The following PRKAR2B variants were observed in gnomAD, a reference collection of about 807,000 sequenced individuals.
The protein encoded by PRKAR2B is protein kinase cAMP-dependent type II regulatory subunit beta, also known as cAMP-dependent protein kinase type II-beta regulatory subunit.
PRKAR2B carries 14 observed loss-of-function variants against 49.9 expected under a neutral mutation model. The observed-to-expected ratio is 0.28, with a 90% CI of 0.19 to 0.44. The LOEUF (loss-of-function observed/expected upper bound fraction) is 0.44. Among genes scored for constraint, PRKAR2B ranks in the 20% least tolerant of loss-of-function variants. The pLI is 1.00. For synonymous variants in PRKAR2B, 196 were observed against 197.7 expected (o/e 0.99, Z 0.07); for missense variants, 393 against 537.9 (o/e 0.73, Z 2.67).
chr7:107,081,574 AT>A (rs1794514856), intron 2 of PRKAR2B, among the ~76,000 whole-genome samples: 1 of 152,084 alleles, frequency 6.6e-6, no homozygotes, highest in Non-Finnish European at 1.5e-5. Context: ...CAAAATACCT[AT>A]TCAGGTCTTG....
chr7:107,119,601 C>T (rs549650332), intron 2 of PRKAR2B, among the ~76,000 whole-genome samples: 1 of 152,334 alleles, frequency 6.6e-6, no homozygotes, highest in Admixed American at 6.5e-5. Flanking sequence ...GTGTCCCAGA[C>T]ACATTGGCAG....
At chr7:107,057,949 T>C (rs569728418) in intron 1 of PRKAR2B, among the ~76,000 whole-genome samples, 1 of 152,282 alleles carries the variant, frequency 6.6e-6, no homozygotes, top group Non-Finnish European at 1.5e-5. Context: ...GTAAAGTCTT[T>C]AAATCTTTTA....
intron 1 of PRKAR2B, among the ~76,000 whole-genome samples, chr7:107,066,301 G>GGGGGGGGTGTGT (rs147673007): frequency 2.1e-5 from 3 of 145,510 alleles, no homozygotes; most frequent in African/African-American, 5.2e-5. Context: ...CTCTATGTGG[G>GGGGGGGGTGTGT]GTGTGTGTGT....
intron 2 of PRKAR2B, among the ~76,000 whole-genome samples, chr7:107,072,096 A>G (rs1001308648): frequency 6.7e-6 from 1 of 149,266 alleles, no homozygotes; most frequent in African/African-American, 2.4e-5. Context: ...AAAAATAAAA[A>G]TAAAAAATAA....
intron 1 of PRKAR2B, among the ~76,000 whole-genome samples, chr7:107,064,123 A>C (rs1344700189): frequency 6.6e-6 from 1 of 152,186 alleles, no homozygotes; most frequent in Admixed American, 6.5e-5. Context: ...TACTGCCTCA[A>C]ATCTCTGTGT....
At chr7:107,091,914 A>G (rs1794738643) in intron 2 of PRKAR2B, 1 of 152,164 alleles carries the variant, frequency 6.6e-6, no homozygotes, top group African/African-American at 2.4e-5. Context: ...TGTAGAAGAG[A>G]GTATTTAATC....
intron 1 of PRKAR2B, among the ~76,000 whole-genome samples, chr7:107,050,450 T>A (rs1163435203): frequency 6.7e-6 from 1 of 148,912 alleles, no homozygotes; most frequent in Non-Finnish European, 1.5e-5. Context: ...TCTCATTCCA[T>A]GGATTCCAGT....
intron 4 of PRKAR2B, among the ~76,000 whole-genome samples, chr7:107,137,256 G>A (rs913365174): frequency 2.0e-5 from 3 of 152,194 alleles, no homozygotes; most frequent in Non-Finnish European, 2.9e-5. Flanking sequence ...GATAACTGGT[G>A]TATTCTCATA....
chr7:107,158,769 G>A (rs1022014477), intron 10 of PRKAR2B, among the ~76,000 whole-genome samples: 28 of 152,084 alleles, frequency 1.8e-4, no homozygotes, highest in African/African-American at 6.3e-4. Context: ...CCCTATTCTT[G>A]TAAACATTGC....
intron 2 of PRKAR2B, among the ~76,000 whole-genome samples, chr7:107,083,999 G>A (rs1794565828): frequency 6.6e-6 from 1 of 152,174 alleles, no homozygotes; most frequent in African/African-American, 2.4e-5. Context: ...GATCATGCAA[G>A]TGTTTTTGAC....
intron 2 of PRKAR2B, among the ~76,000 whole-genome samples, chr7:107,108,432 C>T (rs796743319): frequency 1.1e-4 from 16 of 152,264 alleles, no homozygotes; most frequent in South Asian, 4.2e-4. Context: ...TGAGAGAAAG[C>T]GTGACAAGGA....
At chr7:107,139,453 A>G (rs999403486) in intron 4 of PRKAR2B, among the ~76,000 whole-genome samples, 8 of 152,196 alleles carry the variant, frequency 5.3e-5, no homozygotes, top group African/African-American at 1.9e-4. Context: ...ATTCTGTATT[A>G]GGGTAGAGGG....
At chr7:107,053,520 T>G (rs892505435) in intron 1 of PRKAR2B, among the ~76,000 whole-genome samples, 1 of 135,758 alleles carries the variant, frequency 7.4e-6, no homozygotes, top group East Asian at 2.1e-4. Context: ...TTCTAGATTA[T>G]AAAGAGTGTG....
chr7:107,045,839 G>A (rs973954432), intron 1 of PRKAR2B, among the ~76,000 whole-genome samples: 1 of 152,160 alleles, frequency 6.6e-6, no homozygotes, highest in Non-Finnish European at 1.5e-5. Context: ...CGTAACAAAG[G>A]ATTCTATTTA....
Position 107,053,488 on chromosome 7 carries a change from AT to A in PRKAR2B, c.307+8278del, listed in dbSNP as rs1192950554. 4.0e-5 allele frequency among the ~76,000 whole-genome samples: 6 copies of A among 150,834 alleles called. No individual in the cohort carries two copies. The East Asian group carries it at 1.2e-3, about 29-fold the overall frequency. ...GTAATATATAAAGTAGCCATGATCA[AT>A]TTTGGTTCCCTGATTCAAGCTTCTA... On this transcript the variant is annotated intron_variant, in intron 1 of 10. Transcript: ENST00000265717.
At chr7:107,128,601 A>G (rs1192551215) in intron 4 of PRKAR2B, among the ~76,000 whole-genome samples, 1 of 152,154 alleles carries the variant, frequency 6.6e-6, no homozygotes, top group African/African-American at 2.4e-5. Context: ...GAGAAATGGC[A>G]CAGGTAAAAA....
intron 4 of PRKAR2B, among the ~76,000 whole-genome samples, chr7:107,129,647 G>A (rs1437014253): frequency 6.6e-6 from 1 of 152,154 alleles, no homozygotes; most frequent in Non-Finnish European, 1.5e-5. Context: ...GTGAAAACAA[G>A]TTTATTAAGA....
At chr7:107,077,327 G>C (rs117903479) in intron 2 of PRKAR2B, 1 of 152,294 alleles carries the variant, frequency 6.6e-6, no homozygotes, top group Non-Finnish European at 1.5e-5. Context: ...TTCTTACGAA[G>C]TGCGCAGTCT....
chr7:107,100,906 C>T (rs1252041809), intron 2 of PRKAR2B, among the ~76,000 whole-genome samples: 1 of 149,946 alleles, frequency 6.7e-6, no homozygotes, highest in African/African-American at 2.4e-5. Flanking sequence ...ACCTGATTTC[C>T]TTTAGCTCTG....
Sources: allele counts gnomAD v4.1 joint callset (sites outside exome capture counted in the v4.1 genomes callset), GRCh38; gene constraint gnomAD v4.1.1; transcripts MANE v1.5; gene names NCBI Gene and HGNC (gene_info 2026-07-23, HGNC 2026-07-21).